LARS2: variants seen among roughly 807,000 people sequenced by gnomAD.
LARS2 encodes the protein leucyl-tRNA synthetase 2, mitochondrial, also known as leucine--tRNA ligase, mitochondrial.
LARS2 carries 81 observed loss-of-function variants against 116.6 expected under a neutral mutation model. The ratio of observed to expected loss-of-function variants is 0.69; its 90% CI spans 0.58 to 0.84. The LOEUF (loss-of-function observed/expected upper bound fraction) is 0.84, where lower values mean the gene tolerates loss of function less well. Among genes scored for constraint, LARS2 ranks in the 40% least tolerant of loss-of-function variants. The probability of loss-of-function intolerance (pLI) is 0.00; values close to 1 mark genes in which losing one functional copy is unlikely to be tolerated. For synonymous variants in LARS2, 396 were observed against 407.2 expected, an observed-to-expected ratio of 0.97 and a Z score of 0.33; for missense variants, 968 against 1,114.5, an observed-to-expected ratio of 0.87 and a Z score of 1.87.
At chr3:45,436,273 C>T (rs1698799433) in intron 6 of LARS2, among the ~76,000 whole-genome samples, 1 of 151,780 alleles carries the variant, frequency 6.6e-6, no homozygotes, top group South Asian at 2.1e-4. Context: ...ACAAAAACAT[C>T]TTCCAGATGA....
chr3:45,441,001 C>T (rs1054129877), intron 6 of LARS2, among the ~76,000 whole-genome samples: 2 of 151,100 alleles, frequency 1.3e-5, no homozygotes, highest in African/African-American at 4.9e-5. Context: ...GCCAGCCTCA[C>T]TCACCCCTGC....
intron 15 of LARS2, among the ~76,000 whole-genome samples, chr3:45,512,328 T>C (rs1308915657): frequency 2.6e-5 from 4 of 152,224 alleles, no homozygotes; most frequent in Non-Finnish European, 2.9e-5. Flanking sequence ...GAATAGGTCT[T>C]GCTGAAATGC....
At chr3:45,456,079 A>G (rs1447224364) in intron 7 of LARS2, among the ~76,000 whole-genome samples, 1 of 152,076 alleles carries the variant, frequency 6.6e-6, no homozygotes, top group Admixed American at 6.6e-5. Context: ...TTTGAGATCT[A>G]CTGCACAGGA....
chr3:45,543,478 T>A (rs1396455550), intron 21 of LARS2, among the ~76,000 whole-genome samples: 1 of 151,112 alleles, frequency 6.6e-6, no homozygotes, highest in Non-Finnish European at 1.5e-5. Flanking sequence ...TTTATTTTTT[T>A]TTTTGGTGAG....
intron 8 of LARS2, among the ~76,000 whole-genome samples, chr3:45,469,970 T>C (rs1351620611): frequency 6.6e-6 from 1 of 152,228 alleles, no homozygotes; most frequent in East Asian, 1.9e-4. Flanking sequence ...TTTAATTAGA[T>C]GTTGTTGTTC....
chr3:45,447,475 TG>T (rs1388430659), intron 7 of LARS2, among the ~76,000 whole-genome samples: 3 of 152,122 alleles, frequency 2.0e-5, no homozygotes, highest in Non-Finnish European at 4.4e-5. Flanking sequence ...TCCTAATAAA[TG>T]GATTAATGTT....
At chr3:45,545,757 G>A (rs544656568) in intron 21 of LARS2, among the ~76,000 whole-genome samples, 33 of 152,306 alleles carry the variant, frequency 2.2e-4, no homozygotes, top group African/African-American at 7.7e-4. Flanking sequence ...GGACCAGCCT[G>A]CCCGGCTCCA....
intron 4 of LARS2, among the ~76,000 whole-genome samples, chr3:45,401,826 G>A (rs1453121943): frequency 6.6e-6 from 1 of 152,004 alleles, no homozygotes; most frequent in Non-Finnish European, 1.5e-5. Context: ...ATGTTGTTCA[G>A]GCATGTCTTG....
At chr3:45,425,895 CTT>C (rs71095035) in intron 6 of LARS2, among the ~76,000 whole-genome samples, 1 of 138,960 alleles carries the variant, frequency 7.2e-6, no homozygotes, top group Admixed American at 7.5e-5. Context: ...TCTTATAAGC[CTT>C]TTTTTTTTTC....
At chr3:45,409,960 A>C (rs1279226366) in intron 4 of LARS2, among the ~76,000 whole-genome samples, 1 of 152,238 alleles carries the variant, frequency 6.6e-6, no homozygotes, top group Non-Finnish European at 1.5e-5. Flanking sequence ...TTTCCATGTT[A>C]ATTCTATCTG....
intron 6 of LARS2, among the ~76,000 whole-genome samples, chr3:45,430,431 A>G (rs1047433149): frequency 6.7e-6 from 1 of 148,932 alleles, no homozygotes; most frequent in Non-Finnish European, 1.5e-5. Flanking sequence ...GGCGCCTGCC[A>G]CCATGCCCCG....
chr3:45,520,743 A>G (rs1700440010), intron 19 of LARS2, among the ~76,000 whole-genome samples: 1 of 152,248 alleles, frequency 6.6e-6, no homozygotes, highest in African/African-American at 2.4e-5. Context: ...CAGCCTTTTC[A>G]GTATGGACTT....
At chr3:45,495,235 G>A (rs1183823086) in intron 13 of LARS2, 2 of 152,166 alleles carry the variant, frequency 1.3e-5, no homozygotes, top group Non-Finnish European at 2.9e-5. Flanking sequence ...TCTTCCATAA[G>A]GAACCTACCT....
chr3:45,478,953 T>C (rs576710076), intron 10 of LARS2, among the ~76,000 whole-genome samples: 1 of 152,346 alleles, frequency 6.6e-6, no homozygotes, highest in East Asian at 1.9e-4. Flanking sequence ...CAGGATGTTG[T>C]ATCACTGCTG....
At chr3:45,426,252 T>C (rs1332911375) in intron 6 of LARS2, among the ~76,000 whole-genome samples, 4 of 152,212 alleles carry the variant, frequency 2.6e-5, no homozygotes, top group Non-Finnish European at 5.9e-5. Flanking sequence ...ATTTAAAGAA[T>C]AGCTTAAAAC....
intron 6 of LARS2, among the ~76,000 whole-genome samples, chr3:45,430,001 C>CTTTT (rs1559466268): frequency 3.7e-4 from 22 of 58,914 alleles, no homozygotes; most frequent in Admixed American, 7.0e-4. Context: ...CATGCCCAGC[C>CTTTT]TCTTTTTTTT....
At chr3:45,440,752 G>C (rs1698892364) in intron 6 of LARS2, among the ~76,000 whole-genome samples, 1 of 152,096 alleles carries the variant, frequency 6.6e-6, no homozygotes, top group African/African-American at 2.4e-5. Context: ...GTGTGGGGGT[G>C]GAGGCAACCT....
intron 20 of LARS2, among the ~76,000 whole-genome samples, chr3:45,526,151 A>G (rs1019396543): frequency 2.0e-5 from 3 of 152,218 alleles, no homozygotes; most frequent in African/African-American, 7.2e-5. Flanking sequence ...TCACATTTTG[A>G]ATCTTTAAGG....
At chr3:45,404,498 T>G (rs986975106) in intron 4 of LARS2, among the ~76,000 whole-genome samples, 1 of 152,158 alleles carries the variant, frequency 6.6e-6, no homozygotes, top group Non-Finnish European at 1.5e-5. Flanking sequence ...TTGAATAAAC[T>G]TGGACTCAAG....
Sources: allele counts gnomAD v4.1 joint callset (sites outside exome capture counted in the v4.1 genomes callset), GRCh38; gene constraint gnomAD v4.1.1; transcripts MANE v1.5; gene names NCBI Gene and HGNC (gene_info 2026-07-23, HGNC 2026-07-21).